ADAMTS19: variants seen among roughly 807,000 people sequenced by gnomAD.
ADAMTS19 encodes A disintegrin and metalloproteinase with thrombospondin motifs 19.
Under a neutral mutation model 153.3 loss-of-function variants are expected in ADAMTS19, and 93 were observed. That is an observed-to-expected ratio of 0.61 (90% CI 0.51 to 0.72). The LOEUF (loss-of-function observed/expected upper bound fraction) is 0.72. Ranked by LOEUF, ADAMTS19 falls within the 30% of genes least tolerant of loss-of-function variation. The probability of loss-of-function intolerance (pLI) is 0.00; values close to 1 mark genes in which losing one functional copy is unlikely to be tolerated. For synonymous variants in ADAMTS19, 600 were observed against 556.6 expected, an observed-to-expected ratio of 1.08 and a Z score of -1.10; for missense variants, 1,482 against 1,552.1, an observed-to-expected ratio of 0.95 and a Z score of 0.76.
chr5:129,475,411 A>G (rs1750192600), intron 2 of ADAMTS19, among the ~76,000 whole-genome samples: 1 of 152,204 alleles, frequency 6.6e-6, no homozygotes, highest in African/African-American at 2.4e-5. Flanking sequence ...TTTTTGAACT[A>G]CTTATACTGT....
At chr5:129,680,033 A>G (rs774219727) in intron 17 of ADAMTS19, 112 bp downstream of exon 17, 13 of 1,183,086 alleles carry the variant, frequency 1.1e-5, no homozygotes, top group South Asian at 1.9e-5. Context: ...CAGACATTTA[A>G]AATTATTTAA....
chr5:129,649,365 C>T (rs565009555), intron 13 of ADAMTS19, among the ~76,000 whole-genome samples: 1 of 152,308 alleles, frequency 6.6e-6, no homozygotes, highest in East Asian at 1.9e-4. Flanking sequence ...TGATGGAATA[C>T]TCCTCAGCAC....
intron 6 of ADAMTS19, among the ~76,000 whole-genome samples, chr5:129,549,241 CATAA>C (rs1408738435): frequency 6.0e-5 from 9 of 149,824 alleles, no homozygotes; most frequent in African/African-American, 2.2e-4. Flanking sequence ...AAATAGAAAT[CATAA>C]ATAATAGAAA....
intron 2 of ADAMTS19, among the ~76,000 whole-genome samples, chr5:129,498,932 C>A (rs1422525623): frequency 5.3e-5 from 8 of 151,608 alleles, no homozygotes; most frequent in Admixed American, 2.0e-4. Context: ...TATACAAAGT[C>A]CATGAAGACA....
intron 18 of ADAMTS19, among the ~76,000 whole-genome samples, chr5:129,689,218 C>T (rs981115659): frequency 6.6e-6 from 1 of 152,066 alleles, no homozygotes; most frequent in East Asian, 1.9e-4. Flanking sequence ...TTCTTCACAC[C>T]AGTCCAAGTC....
intron 16 of ADAMTS19, among the ~76,000 whole-genome samples, chr5:129,666,841 C>G (rs926960655): frequency 3.3e-5 from 5 of 151,900 alleles, no homozygotes; most frequent in Non-Finnish European, 7.4e-5. Flanking sequence ...GTTGTTATTA[C>G]ACTTGCATGT....
In ADAMTS19 at chr5:129,461,613, G is replaced by A. The variant is rs1234663370; in HGVS notation, c.603G>A (p.Gln201=). The change falls in exon 2 of 23, where the codon CAG becomes CAA. Residue 201 remains glutamine, a synonymous_variant. Transcript: ENST00000274487. This position sits in a 1 kb window ranked among gnomAD's most constrained non-coding sequence, Gnocchi z 4.6. ...TGGCGCCGCGCTTCGCAGTGGAACAGCGGCCAAATCCCGGCCCCGGCCCCA... is the reference window on the plus strand; with the variant it reads ...TGGCGCCGCGCTTCGCAGTGGAACAACGGCCAAATCCCGGCCCCGGCCCCA... The part of the protein sequence containing the change: ...RFLAPRFAVE[Q]RPNPGPGPTG... 1.3e-6 allele frequency: 2 copies of A among 1,575,422 alleles called. No homozygotes were observed. Among genetic ancestry groups the A allele is most frequent in the Admixed American group, 3.4e-5 (2 of 58,036 alleles).
chr5:129,621,184 A>G (rs1473042832), intron 9 of ADAMTS19, among the ~76,000 whole-genome samples: 2 of 152,188 alleles, frequency 1.3e-5, no homozygotes, highest in African/African-American at 4.8e-5. Context: ...TCATTAATAA[A>G]TAGTTTCCAC....
chr5:129,585,341 C>T (rs979961618), intron 7 of ADAMTS19, among the ~76,000 whole-genome samples: 3 of 151,884 alleles, frequency 2.0e-5, no homozygotes, highest in African/African-American at 4.8e-5. Flanking sequence ...TGTTCCTATT[C>T]GGCCATCTTG....
intron 3 of ADAMTS19, among the ~76,000 whole-genome samples, chr5:129,517,003 T>G (rs1751639065): frequency 6.6e-6 from 1 of 151,712 alleles, no homozygotes; most frequent in African/African-American, 2.4e-5. Flanking sequence ...TTCAAGAAAT[T>G]TTCCAATTTC....
intron 2 of ADAMTS19, among the ~76,000 whole-genome samples, chr5:129,482,200 C>T (rs528806728): frequency 7.3e-4 from 111 of 152,278 alleles, no homozygotes; most frequent in Admixed American, 1.2e-3. Context: ...TCTCCCTGTC[C>T]ATCTGTGCTC....
intron 2 of ADAMTS19, among the ~76,000 whole-genome samples, chr5:129,477,347 T>C (rs1012228642): frequency 6.6e-6 from 1 of 152,208 alleles, no homozygotes; most frequent in Non-Finnish European, 1.5e-5. Flanking sequence ...TTATTTTGCA[T>C]TTTCAATTTC....
intron 3 of ADAMTS19, among the ~76,000 whole-genome samples, chr5:129,511,943 A>G (rs1447088255): frequency 1.3e-5 from 2 of 152,006 alleles, no homozygotes; most frequent in African/African-American, 4.8e-5. Context: ...GGTCAAGAAC[A>G]TTTCAGGCAG....
At chr5:129,658,347 A>AAGAAAGAAAGAGAGAGAGAGAGAGAG (rs1753665821) in intron 14 of ADAMTS19, among the ~76,000 whole-genome samples, 2 of 116,054 alleles carry the variant, frequency 1.7e-5, no homozygotes, top group African/African-American at 7.4e-5. Context: ...GAAAGAAAGA[A>AAGAAAGAAAGAGAGAGAGAGAGAGAG]AGAAAGAAAG....
At chr5:129,695,653 G>A (rs1028101939) in intron 19 of ADAMTS19, among the ~76,000 whole-genome samples, 6 of 152,132 alleles carry the variant, frequency 3.9e-5, no homozygotes, top group Admixed American at 3.9e-4. Flanking sequence ...TAAAAATTAA[G>A]GCTTAGCTTG....
At chr5:129,578,948 T>C (rs1222846139) in intron 7 of ADAMTS19, among the ~76,000 whole-genome samples, 1 of 152,198 alleles carries the variant, frequency 6.6e-6, no homozygotes, top group East Asian at 1.9e-4. Context: ...ATCCTTTGGG[T>C]ATATACCCAG....
chr5:129,558,606 T>C (rs779619697), intron 7 of ADAMTS19, among the ~76,000 whole-genome samples: 29 of 152,052 alleles, frequency 1.9e-4, no homozygotes, highest in Admixed American at 5.9e-4. Flanking sequence ...ATGCATTCCA[T>C]TAAAATTCTA....
intron 12 of ADAMTS19, among the ~76,000 whole-genome samples, 171 bp from the exon 13 acceptor site, chr5:129,648,623 ATAGT>A (rs1042871590): frequency 2.6e-5 from 4 of 152,270 alleles, no homozygotes; most frequent in Admixed American, 1.3e-4. Flanking sequence ...GAAAATATAT[ATAGT>A]TAAAGAAATA....
intron 6 of ADAMTS19, among the ~76,000 whole-genome samples, chr5:129,544,719 G>A (rs796469401): frequency 6.6e-6 from 1 of 152,146 alleles, no homozygotes; most frequent in East Asian, 1.9e-4. Context: ...GTTTTAATGA[G>A]TCTGTGCAAA....
Sources: allele counts gnomAD v4.1 joint callset (sites outside exome capture counted in the v4.1 genomes callset), GRCh38; gene constraint gnomAD v4.1.1; non-coding constraint Gnocchi (gnomAD v3.1); transcripts MANE v1.5; gene names NCBI Gene and HGNC (gene_info 2026-07-23, HGNC 2026-07-21).